The following EXOC4 variants were observed in gnomAD, a reference collection of about 807,000 sequenced individuals.
EXOC4 encodes SEC8-like 1.
Under a neutral mutation model 107.2 loss-of-function variants are expected in EXOC4, and 71 were observed. The observed-to-expected ratio is 0.66, with a 90% CI of 0.55 to 0.81. The LOEUF (loss-of-function observed/expected upper bound fraction) is 0.81. EXOC4 is among the 30% of genes least tolerant of loss of function. The probability of loss-of-function intolerance (pLI) is 0.00; values close to 1 mark genes in which losing one functional copy is unlikely to be tolerated. For missense variants in EXOC4, 1,108 were observed against 1,189.6 expected (o/e 0.93, Z 1.01); for synonymous variants, 456 against 441.2 (o/e 1.03, Z -0.42).
At chr7:133,532,153 G>A (rs1436907841) in intron 9 of EXOC4, among the ~76,000 whole-genome samples, 4 of 152,024 alleles carry the variant, frequency 2.6e-5, no homozygotes, top group African/African-American at 2.4e-5. Flanking sequence ...TGAATTTTTA[G>A]ATAAGGAATG....
intron 14 of EXOC4, among the ~76,000 whole-genome samples, chr7:133,954,026 A>T (rs1371150275): frequency 6.6e-6 from 1 of 152,236 alleles, no homozygotes; most frequent in Non-Finnish European, 1.5e-5. Context: ...TGCCATTTTT[A>T]AAAATTTTCA....
chr7:133,885,207 G>A (rs762358493), intron 11 of EXOC4, among the ~76,000 whole-genome samples: 4 of 151,834 alleles, frequency 2.6e-5, no homozygotes, highest in South Asian at 2.1e-4. Flanking sequence ...CCAGCTACTC[G>A]GGAGGCTGAG....
intron 9 of EXOC4, among the ~76,000 whole-genome samples, chr7:133,482,379 G>C (rs1031054763): frequency 6.6e-6 from 1 of 152,044 alleles, no homozygotes; most frequent in African/African-American, 2.4e-5. Context: ...CATAGGGACC[G>C]AGGACCTCTC....
intron 10 of EXOC4, among the ~76,000 whole-genome samples, chr7:133,692,267 C>T (rs1585082358): frequency 6.6e-6 from 1 of 152,122 alleles, no homozygotes; most frequent in African/African-American, 2.4e-5. Flanking sequence ...GCATACTCTC[C>T]AAATGTGATT....
At chr7:133,951,966 G>A (rs867860225) in intron 14 of EXOC4, among the ~76,000 whole-genome samples, 2 of 152,254 alleles carry the variant, frequency 1.3e-5, no homozygotes, top group African/African-American at 4.8e-5. Flanking sequence ...TACTAGCCTG[G>A]CCAACATGGT....
chr7:133,325,159 C>T (rs1434328602), intron 5 of EXOC4, among the ~76,000 whole-genome samples: 3 of 152,186 alleles, frequency 2.0e-5, no homozygotes, highest in South Asian at 2.1e-4. Flanking sequence ...CTTGACTCTT[C>T]ATCCAATTTG....
chr7:133,799,588 A>C (rs1796890437), intron 10 of EXOC4, among the ~76,000 whole-genome samples: 1 of 152,250 alleles, frequency 6.6e-6, no homozygotes, highest in African/African-American at 2.4e-5. Flanking sequence ...TCATGAAATC[A>C]TCAAATGGCC....
intron 10 of EXOC4, among the ~76,000 whole-genome samples, chr7:133,637,411 G>A (rs367873447): frequency 1.3e-5 from 2 of 152,072 alleles, no homozygotes; most frequent in East Asian, 3.8e-4. Context: ...TACTTATTTA[G>A]CAGAATATTA....
chr7:133,520,094 T>A (rs1460981444), intron 9 of EXOC4, among the ~76,000 whole-genome samples: 1 of 152,140 alleles, frequency 6.6e-6, no homozygotes, highest in Non-Finnish European at 1.5e-5. Context: ...AAATGATAGC[T>A]TAATATTACC....
chr7:134,086,859 T>C, the EXOC4 span, among the ~76,000 whole-genome samples: 1 of 152,224 alleles, frequency 6.6e-6, no homozygotes, highest in African/African-American at 2.4e-5. Context: ...AGGAGTAGAT[T>C]ATTCATGCCT....
intron 17 of EXOC4, among the ~76,000 whole-genome samples, chr7:134,057,667 T>C (rs1201173390): frequency 6.6e-6 from 1 of 152,190 alleles, no homozygotes; most frequent in East Asian, 1.9e-4. Context: ...AGATTACACT[T>C]GTTCAGAGTG....
intron 5 of EXOC4, among the ~76,000 whole-genome samples, chr7:133,332,941 T>C (rs1009975053): frequency 2.3e-4 from 35 of 152,174 alleles, no homozygotes; most frequent in Admixed American, 6.5e-4. Flanking sequence ...TAACCTTAAT[T>C]TTTAGCACCT....
chr7:133,816,985 G>A (rs1797386718), intron 10 of EXOC4, among the ~76,000 whole-genome samples: 1 of 152,076 alleles, frequency 6.6e-6, no homozygotes, highest in South Asian at 2.1e-4. Context: ...GTACTCTTCG[G>A]GGATGTGCTT....
the EXOC4 span, among the ~76,000 whole-genome samples, chr7:134,075,580 G>A: frequency 0.21 from 32,395 of 152,060 alleles, 5,228 homozygotes; most frequent in African/African-American, 0.46. Flanking sequence ...GCAGAACATT[G>A]TGGGGGAAAC....
intron 9 of EXOC4, among the ~76,000 whole-genome samples, chr7:133,621,834 T>A (rs1802337043): frequency 6.6e-6 from 1 of 152,180 alleles, no homozygotes; most frequent in African/African-American, 2.4e-5. Context: ...AACCATAGCT[T>A]TTTTCTGTGT....
chr7:133,642,863 TC>T (rs915642611), intron 10 of EXOC4, among the ~76,000 whole-genome samples: 2 of 152,174 alleles, frequency 1.3e-5, no homozygotes, highest in African/African-American at 4.8e-5. Flanking sequence ...AAAATTTTTT[TC>T]TTTCTACCAA....
chr7:133,474,618 T>C (rs532179793), intron 7 of EXOC4, among the ~76,000 whole-genome samples: 1 of 152,222 alleles, frequency 6.6e-6, no homozygotes, highest in South Asian at 2.1e-4. Flanking sequence ...TAGCTAGTAG[T>C]TGATTTTTTA....
chr7:133,670,857 G>A (rs1016602508), intron 10 of EXOC4, among the ~76,000 whole-genome samples: 1 of 152,160 alleles, frequency 6.6e-6, no homozygotes, highest in Non-Finnish European at 1.5e-5. Flanking sequence ...TCATGGAGTG[G>A]ACATTCTAAT....
chr7:133,687,534 C>G (rs1023340085), intron 10 of EXOC4, among the ~76,000 whole-genome samples: 1 of 152,124 alleles, frequency 6.6e-6, no homozygotes, highest in Admixed American at 6.5e-5. Context: ...CCCTAGTTCC[C>G]GTTTTCTTTA....
Sources: allele counts gnomAD v4.1 joint callset (sites outside exome capture counted in the v4.1 genomes callset), GRCh38; gene constraint gnomAD v4.1.1; transcripts MANE v1.5; gene names NCBI Gene and HGNC (gene_info 2026-07-23, HGNC 2026-07-21).